NR4A1: variants seen among roughly 807,000 people sequenced by gnomAD.
NR4A1 encodes nuclear receptor subfamily 4 group A member 1, also known as nuclear receptor subfamily 4immunitygroup A member 1.
A neutral mutation model predicts 47.5 loss-of-function variants in NR4A1; 24 were observed. That is an observed-to-expected ratio of 0.50 (90% CI 0.37 to 0.71). NR4A1 has a LOEUF of 0.71. NR4A1 is among the 30% of genes least tolerant of loss of function. The pLI is 0.00. For missense variants in NR4A1, 669 were observed against 788.6 expected (o/e 0.85, Z 1.82); for synonymous variants, 353 against 345.7 (o/e 1.02, Z -0.24).
At chr12:52,041,859 C>T in exon 2 of NR4A1, 2 of 1,523,028 alleles carry the variant, frequency 1.3e-6, no homozygotes, top group South Asian at 1.3e-5. Flanking sequence ...GGCAGCCTGG[C>T]TCCTTCTGCT....
At chr12:52,034,401 C>T (rs1938193855) in intron 1 of NR4A1, among the ~76,000 whole-genome samples, 1 of 152,238 alleles carries the variant, frequency 6.6e-6, no homozygotes, top group African/African-American at 2.4e-5. Context: ...CCTCTAGGAA[C>T]CTCCCACAAT....
intron 1 of NR4A1, chr12:52,037,296 C>G (rs1295401374): frequency 1.2e-6 from 1 of 858,008 alleles, no homozygotes; most frequent in Middle Eastern, 6.1e-4. Flanking sequence ...GTGGCGGCGG[C>G]GGCGGAACTG....
At chr12:52,050,794 T>C (rs1181850557), upstream of NR4A1, among the ~76,000 whole-genome samples, 9 of 152,144 alleles carry the variant, frequency 5.9e-5, 1 homozygote, top group Non-Finnish European at 1.5e-5. Context: ...TAGCTGCGCC[T>C]AGGGCTGAGG....
chr12:52,036,139 C>A (rs1182553411), intron 1 of NR4A1, among the ~76,000 whole-genome samples: 1 of 152,184 alleles, frequency 6.6e-6, no homozygotes, highest in African/African-American at 2.4e-5. Context: ...TTTGGCCGGG[C>A]CTTCCTGACC....
chr12:52,059,099 G>T lies in NR4A1; in HGVS notation c.*155G>T. 1 of 984,786 alleles carries T rather than the reference G, an allele frequency of 1.0e-6. No homozygotes were observed. The highest frequency in any genetic ancestry group is 1.5e-6 in the Non-Finnish European group (1 of 688,984). 61.0% of individuals were successfully genotyped at this position (984,786 alleles called of 1,614,324 possible). A position where few individuals can be genotyped will look rare whatever the true frequency, so the allele number is the denominator to read the frequency against. ...TCCAGGAGGTTTGCAGGGAGCTCAA[G>T]CCCTTGGGGAGGGGGATGCCTTCAT... On this transcript the variant is annotated 3_prime_UTR_variant, in exon 7 of 7. Transcript: ENST00000394825.
intron 2 of NR4A1, 48 bp from the exon 3 acceptor site, chr12:52,055,971 AGTTCCCCCCTC>A: frequency 1.7e-6 from 1 of 586,622 alleles, no homozygotes; most frequent in Non-Finnish European, 2.7e-6. Flanking sequence ...CCCTCCCCTA[AGTTCCCCCCTC>A]CCCACCCCAC....
chr12:52,055,820 A>G, intron 2 of NR4A1: 1 of 451,996 alleles, frequency 2.2e-6, no homozygotes, highest in Non-Finnish European at 3.9e-6. Context: ...CCTCAGAGCG[A>G]GAAACCTCCC....
At chr12:52,033,614 C>T (rs1389087775) in intron 1 of NR4A1, among the ~76,000 whole-genome samples, 1 of 152,200 alleles carries the variant, frequency 6.6e-6, no homozygotes, top group Non-Finnish European at 1.5e-5. Context: ...GCTTCGAAAA[C>T]ACCAAGTGGG....
chr12:52,023,520 G>A (rs900199071), intron 1 of NR4A1, among the ~76,000 whole-genome samples: 1 of 151,872 alleles, frequency 6.6e-6, no homozygotes, highest in African/African-American at 2.4e-5. Flanking sequence ...GTAGCGCACC[G>A]CCGCCCGCCA....
chr12:52,054,479 C>A lies in NR4A1; in HGVS notation c.151C>A (p.Pro51Thr). ...EAAPAAPTAL[P>T]SFSTFMDGYT... is the part of the protein sequence containing the mutation. The stretch of plus-strand genomic sequence containing the variant: ...AGCCCCCGCTGCCCCCACTGCCCTG[C>A]CCAGCTTCAGCACCTTCATGGACGG... Residue 51 changes from proline (P) to threonine (T), a missense_variant, in exon 2 of 7, where the codon CCC (proline) becomes ACC (threonine). Physicochemically the swap from Pro to Thr is conservative, Grantham distance 38. Coordinates refer to ENST00000394825, the MANE Select transcript of NR4A1 (RefSeq NM_173157.3). 1.2e-6 allele frequency: 2 copies of A among 1,613,868 alleles called. No homozygotes were observed. Among genetic ancestry groups the A allele is most frequent in the Non-Finnish European group, 1.7e-6 (2 of 1,180,000 alleles).
At chr12:52,047,019 C>A (rs1231745332), upstream of NR4A1, among the ~76,000 whole-genome samples, 1 of 151,768 alleles carries the variant, frequency 6.6e-6, no homozygotes, top group Non-Finnish European at 1.5e-5. Context: ...ATAGGCTGGG[C>A]CGTGGTGTGG....
chr12:52,031,408 G>A (rs1592281072), intron 1 of NR4A1, among the ~76,000 whole-genome samples: 5 of 151,764 alleles, frequency 3.3e-5, no homozygotes, highest in South Asian at 2.1e-4. Flanking sequence ...AGGCCGAGGC[G>A]GGCAGATCAC....
Position 52,043,843 on chromosome 12 carries a change from G to C in NR4A1, c.37+1914G>C. 7.8e-6 allele frequency: 10 copies of C among 1,288,994 alleles called. No homozygotes were observed. The South Asian group carries it at 8.6e-5, about 11-fold the overall frequency. 79.8% of individuals were successfully genotyped at this position (1,288,994 alleles called of 1,614,324 possible). A position where few individuals can be genotyped will look rare whatever the true frequency, so the allele number is the denominator to read the frequency against. On this transcript the variant is annotated intron_variant, in intron 2 of 7. Coordinates refer to the NR4A1 transcript ENST00000360284. ...CAGGAAGAGCCCCCAACCAATCTTG[G>C]GATTCTCCCTTCGTGCGGTTGTCTG...
At chr12:52,058,379 CT>C (rs1939381651) in intron 6 of NR4A1, 1 of 393,524 alleles carries the variant, frequency 2.5e-6, no homozygotes. Flanking sequence ...TCAGAACAGT[CT>C]AGATTTTAAA....
chr12:52,028,356 A>C (rs1157738464), intron 1 of NR4A1, among the ~76,000 whole-genome samples: 1 of 151,858 alleles, frequency 6.6e-6, no homozygotes, highest in East Asian at 1.9e-4. Context: ...CAGGCAGATC[A>C]TGAGGTCAAG....
intron 2 of NR4A1, 82 bp downstream of exon 2, chr12:52,055,286 C>G (rs1251232585): frequency 1.9e-6 from 3 of 1,551,236 alleles, no homozygotes; most frequent in Non-Finnish European, 2.6e-6. Flanking sequence ...TGGTCTCCCC[C>G]TGGGTTCTCC....
rs889204481 is a variant in NR4A1 at position 52,045,488 on chromosome 12, T to C, written c.37+3559T>C. 6.6e-6 allele frequency: 3 copies of C among 451,164 alleles called. No homozygotes were observed. In the East Asian group the frequency reaches 2.1e-4, roughly 32 times the overall value. 27.9% of individuals were successfully genotyped at this position (451,164 alleles called of 1,614,324 possible). On this transcript the variant is annotated intron_variant, in intron 2 of 7. Transcript: ENST00000360284. ...CTCACTTGCCATTACAGGTTTCCCA[T>C]GACAGTGGGGGAGCCCAGGCCCCAG...
intron 1 of NR4A1, among the ~76,000 whole-genome samples, chr12:52,041,118 ACTT>A (rs1032579416): frequency 6.6e-6 from 1 of 152,036 alleles, no homozygotes; most frequent in African/African-American, 2.4e-5. Flanking sequence ...TCCTCATTGA[ACTT>A]CTCCTAATAT....
At chr12:52,043,743 C>G in intron 2 of NR4A1, 1 of 1,283,776 alleles carries the variant, frequency 7.8e-7, no homozygotes, top group African/African-American at 1.5e-5. Context: ...GCTCGCTCAG[C>G]TGCTGCCCAG....
Sources: gnomAD v4.1 joint callset for allele counts (sites outside exome capture counted in the v4.1 genomes callset) on GRCh38, gnomAD v4.1.1 for gene constraint, MANE v1.5 for transcripts, NCBI Gene and HGNC (gene_info 2026-07-23, HGNC 2026-07-21) for gene names.